The following PDLIM5 variants were observed in gnomAD, a reference collection of about 807,000 sequenced individuals.
PDLIM5 encodes the protein PDZ and LIM domain protein 5.
PDLIM5 carries 34 observed loss-of-function variants against 64.2 expected under a neutral mutation model. That is an observed-to-expected ratio of 0.53 (90% CI 0.40 to 0.71). The LOEUF (loss-of-function observed/expected upper bound fraction) is 0.71. Among genes scored for constraint, PDLIM5 ranks in the 30% least tolerant of loss-of-function variants. The pLI is 0.00. For missense variants in PDLIM5, 683 were observed against 733.6 expected, an observed-to-expected ratio of 0.93 and a Z score of 0.80; for synonymous variants, 253 against 269.1, an observed-to-expected ratio of 0.94 and a Z score of 0.59.
At chr4:94,504,293 CTTT>C (rs1351386810) in intron 2 of PDLIM5, among the ~76,000 whole-genome samples, 1 of 143,454 alleles carries the variant, frequency 7.0e-6, no homozygotes, top group African/African-American at 2.5e-5. Context: ...GTGCGACTTT[CTTT>C]TTTTTTTTTT....
intron 8 of PDLIM5, among the ~76,000 whole-genome samples, chr4:94,620,447 G>C (rs1739128889): frequency 6.6e-6 from 1 of 152,004 alleles, no homozygotes; most frequent in African/African-American, 2.4e-5. Flanking sequence ...TGAGGTGGGA[G>C]CATCATCTGA....
chr4:94,658,093 T>C (rs1315207146), intron 11 of PDLIM5, among the ~76,000 whole-genome samples: 1 of 152,230 alleles, frequency 6.6e-6, no homozygotes, highest in African/African-American at 2.4e-5. Flanking sequence ...AAAAATATTT[T>C]GCTTGAATTC....
chr4:94,534,230 T>C (rs982710668), intron 3 of PDLIM5, among the ~76,000 whole-genome samples: 1 of 152,228 alleles, frequency 6.6e-6, no homozygotes, highest in African/African-American at 2.4e-5. Flanking sequence ...TTCTCTCATT[T>C]TATATTCATG....
At chr4:94,486,604 A>G (rs761424605) in intron 2 of PDLIM5, among the ~76,000 whole-genome samples, 15 of 152,218 alleles carry the variant, frequency 9.9e-5, no homozygotes, top group Non-Finnish European at 2.1e-4. Flanking sequence ...GAGTATTTCT[A>G]TTTCCCTGAG....
At chr4:94,515,946 C>A (rs1286271699) in intron 2 of PDLIM5, among the ~76,000 whole-genome samples, 1 of 152,204 alleles carries the variant, frequency 6.6e-6, no homozygotes, top group Non-Finnish European at 1.5e-5. Flanking sequence ...ATCATACTTT[C>A]ACATTTCTAG....
chr4:94,578,387 G>A (rs1441388784), intron 5 of PDLIM5, among the ~76,000 whole-genome samples: 1 of 152,138 alleles, frequency 6.6e-6, no homozygotes. Context: ...GCAAAATTCA[G>A]GAGAAAAGAG....
intron 2 of PDLIM5, among the ~76,000 whole-genome samples, chr4:94,488,066 A>T (rs1726512776): frequency 6.6e-6 from 1 of 152,160 alleles, no homozygotes; most frequent in South Asian, 2.1e-4. Context: ...TTGTGTTAAT[A>T]TTATGGTGCT....
In PDLIM5 at chr4:94,503,606, CA is replaced by C. The variant is rs372148536; in HGVS notation, c.97-20117del. ...TCCTCCGATGTGCCTGTCACTTGGC[CA>C]CCAGAAGGATTTCTTTCATTGCCAA... On this transcript the variant is annotated intron_variant, in intron 2 of 12. Coordinates refer to ENST00000317968, the MANE Select transcript of PDLIM5 (RefSeq NM_006457.5). Among the ~76,000 whole-genome samples, 388 of 152,184 alleles carry C rather than the reference CA, an allele frequency of 2.5e-3. 1 individual carries two copies. The highest frequency in any genetic ancestry group is 9.0e-3 in the African/African-American group (373 of 41,568).
At chr4:94,601,203 A>T (rs1366513087) in intron 7 of PDLIM5, among the ~76,000 whole-genome samples, 1 of 152,170 alleles carries the variant, frequency 6.6e-6, no homozygotes, top group Admixed American at 6.5e-5. Context: ...GTACCTGTAC[A>T]CTCAGTGTCT....
At chr4:94,452,887 C>T (rs1376693175) in intron 1 of PDLIM5, among the ~76,000 whole-genome samples, 1 of 152,234 alleles carries the variant, frequency 6.6e-6, no homozygotes, top group Non-Finnish European at 1.5e-5. Flanking sequence ...GAAAACTGTC[C>T]TGTCGGCTGC....
intron 2 of PDLIM5, among the ~76,000 whole-genome samples, chr4:94,488,540 C>A (rs1267967724): frequency 6.6e-6 from 1 of 152,082 alleles, no homozygotes; most frequent in African/African-American, 2.4e-5. Flanking sequence ...ACTTCTAAAC[C>A]ATACCTTTGT....
At chr4:94,567,562 T>C (rs995136641) in intron 3 of PDLIM5, among the ~76,000 whole-genome samples, 3 of 151,928 alleles carry the variant, frequency 2.0e-5, no homozygotes, top group Non-Finnish European at 2.9e-5. Context: ...TTAAAAAATA[T>C]AGAGTTTTGG....
At chr4:94,554,343 A>G (rs945897258) in intron 3 of PDLIM5, among the ~76,000 whole-genome samples, 1 of 152,188 alleles carries the variant, frequency 6.6e-6, no homozygotes, top group African/African-American at 2.4e-5. Context: ...ATATTGAAAA[A>G]CATTTGGAAG....
chr4:94,652,510 G>C (rs1741918497), intron 9 of PDLIM5, among the ~76,000 whole-genome samples: 1 of 152,174 alleles, frequency 6.6e-6, no homozygotes, highest in South Asian at 2.1e-4. Context: ...TATCTTTGCT[G>C]ATAAACTACT....
At chr4:94,608,277 A>G in intron 7 of PDLIM5, 1 of 790,854 alleles carries the variant, frequency 1.3e-6, no homozygotes, top group Non-Finnish European at 1.9e-6. Context: ...TTGATTACAG[A>G]ACGGACATCA....
At chr4:94,536,773 T>G (rs979764185) in intron 3 of PDLIM5, among the ~76,000 whole-genome samples, 3 of 152,192 alleles carry the variant, frequency 2.0e-5, no homozygotes, top group African/African-American at 7.2e-5. Context: ...CAGATAAACA[T>G]TTTTGTCCAT....
chr4:94,592,117 G>A (rs1003921721), intron 7 of PDLIM5, among the ~76,000 whole-genome samples: 5 of 152,164 alleles, frequency 3.3e-5, no homozygotes, highest in Non-Finnish European at 4.4e-5. Flanking sequence ...ATGTTTATTT[G>A]TTGACTTCAT....
chr4:94,505,508 C>T (rs1298408899), intron 2 of PDLIM5, among the ~76,000 whole-genome samples: 1 of 152,072 alleles, frequency 6.6e-6, no homozygotes, highest in Non-Finnish European at 1.5e-5. Context: ...GTGATCTGCC[C>T]ACCTCAGCCT....
chr4:94,497,632 T>C (rs1368068139), intron 2 of PDLIM5, among the ~76,000 whole-genome samples: 1 of 152,210 alleles, frequency 6.6e-6, no homozygotes, highest in Non-Finnish European at 1.5e-5. Flanking sequence ...TCTTAAAGCC[T>C]GTTTGTAGTT....
Sources: gnomAD v4.1 joint callset for allele counts (sites outside exome capture counted in the v4.1 genomes callset) on GRCh38, gnomAD v4.1.1 for gene constraint, MANE v1.5 for transcripts, NCBI Gene and HGNC (gene_info 2026-07-23, HGNC 2026-07-21) for gene names.